Variants in MAX observed in about 807,000 individuals in gnomAD.
MAX encodes the protein MYC associated transcriptional regulator X.
MAX carries 3 observed loss-of-function variants against 22.3 expected under a neutral mutation model. The ratio of observed to expected loss-of-function variants is 0.13; its 90% confidence interval spans 0.06 to 0.35. The LOEUF is 0.35. Among genes scored for constraint, MAX ranks in the 10% least tolerant of loss-of-function variants. The probability of loss-of-function intolerance (pLI) is 1.00; values close to 1 mark genes in which losing one functional copy is unlikely to be tolerated. For synonymous variants in MAX, 72 were observed against 77.7 expected (o/e 0.93, Z 0.39); for missense variants, 119 against 209.4 (o/e 0.57, Z 2.66).
downstream of MAX, among the ~76,000 whole-genome samples, chr14:65,073,286 A>G (rs1452591512): frequency 2.0e-5 from 3 of 152,192 alleles, no homozygotes; most frequent in Non-Finnish European, 2.9e-5. Context: ...TACTATCAGA[A>G]ACAGAATTCT....
chr14:65,053,132 G>T, intron 3 of MAX: 1 of 812,654 alleles, frequency 1.2e-6, no homozygotes, highest in Non-Finnish European at 1.7e-6. Flanking sequence ...GGAAGAGGAA[G>T]GGGAGCAGGA....
chr14:65,052,285 TATA>T (rs1282271261), intron 3 of MAX, among the ~76,000 whole-genome samples: 4 of 152,120 alleles, frequency 2.6e-5, no homozygotes, highest in Non-Finnish European at 5.9e-5. Flanking sequence ...GCTACACAGT[TATA>T]ATAACTAGGT....
chr14:65,058,144 CAA>C (rs2062781043), intron 3 of MAX, among the ~76,000 whole-genome samples: 1 of 151,374 alleles, frequency 6.6e-6, no homozygotes, highest in African/African-American at 2.4e-5. Context: ...CCCAGGAGTA[CAA>C]AGAGAACTGA....
At chr14:65,064,057 C>T (rs546837402) in intron 3 of MAX, among the ~76,000 whole-genome samples, 191 of 152,178 alleles carry the variant, frequency 1.3e-3, no homozygotes, top group Middle Eastern at 3.4e-3. Flanking sequence ...CTACAGGGAG[C>T]GGAGCATAAA....
chr14:65,095,518 T>C (rs2063637977), intron 2 of MAX, among the ~76,000 whole-genome samples: 1 of 152,232 alleles, frequency 6.6e-6, no homozygotes, highest in East Asian at 1.9e-4. Context: ...ATTGAACCTA[T>C]TTAAGTATCT....
In MAX at chr14:65,084,059, G is replaced by A; in HGVS notation, c.172-6023C>T. On this transcript the variant is annotated intron_variant, in intron 3 of 4. Coordinates refer to ENST00000358664, the MANE Select transcript of MAX (RefSeq NM_002382.5). This position sits in a 1 kb window ranked among gnomAD's most constrained non-coding sequence, Gnocchi z 4.3. ...TCCTTGAAGGCTTCCTGCTGCCAGG[G>A]CCTCCCCAGCCACAGGACCATTTTG... The A allele has an allele frequency of 6.3e-7, 1 of 1,594,386 alleles. No homozygotes were observed. The highest frequency in any genetic ancestry group is 8.6e-7 in the Non-Finnish European group (1 of 1,167,814).
Position 65,044,105 on chromosome 14 carries a change from CTCTACAGCG to C in MAX, c.172-37830_172-37822del, listed in dbSNP as rs2062421152. The stretch of plus-strand genomic sequence containing the variant: ...TTGAGCAGAGATCAGTGCTGGATGC[CTCTACAGCG>C]TTGGCTTAAATGCTTCACTCTGTGT... On this transcript the variant is annotated intron_variant, in intron 3 of 3. Coordinates refer to the MAX transcript ENST00000341653. This position sits in a 1 kb window ranked among gnomAD's most constrained non-coding sequence, Gnocchi z 5.5. Among the ~76,000 whole-genome samples, 1 of 152,144 alleles carries C rather than the reference CTCTACAGCG, an allele frequency of 6.6e-6. No individual in the cohort carries two copies. Among genetic ancestry groups the C allele is most frequent in the African/African-American group, 2.4e-5 (1 of 41,424 alleles).
At chr14:65,037,402 C>CTTTTTTTTTTTTTTTTTTTT (rs765037575) in intron 3 of MAX, among the ~76,000 whole-genome samples, 9 of 14,534 alleles carry the variant, frequency 6.2e-4, no homozygotes, top group Non-Finnish European at 9.7e-4. Flanking sequence ...CACGCCGGGC[C>CTTTTTTTTTTTTTTTTTTTT]CTTTTTTTTT....
chr14:65,008,824 A>G (rs2061637995), intron 3 of MAX, among the ~76,000 whole-genome samples: 1 of 152,200 alleles, frequency 6.6e-6, no homozygotes, highest in Non-Finnish European at 1.5e-5. Context: ...AAGAAATTCT[A>G]TTTAAATCAT....
rs1007995490 is a variant in MAX at position 65,044,113 on chromosome 14, C to T, written c.172-37829G>A. 2.6e-5 allele frequency among the ~76,000 whole-genome samples: 4 copies of T among 152,096 alleles called. No individual in the cohort carries two copies. Among genetic ancestry groups the T allele is most frequent in the Admixed American group, 6.5e-5 (1 of 15,268 alleles). ...AGATCAGTGCTGGATGCCTCTACAG[C>T]GTTGGCTTAAATGCTTCACTCTGTG... On this transcript the variant is annotated intron_variant, in intron 3 of 3. Coordinates refer to the MAX transcript ENST00000341653. This position sits in a 1 kb window ranked among gnomAD's most constrained non-coding sequence, Gnocchi z 5.5.
rs1214093079 is a variant in MAX, at chr14:65,082,625, G to C, written c.172-4589C>G. ...TATAAAAAAATCAAAAGATTAGCTG[G>C]GCATGGTGGTACACGAATGTGGTCC... On this transcript the variant is annotated intron_variant, in intron 3 of 4. Transcript: ENST00000358664. This position sits in a 1 kb window ranked among gnomAD's most constrained non-coding sequence, Gnocchi z 4.8. 6.6e-6 allele frequency among the ~76,000 whole-genome samples: 1 copy of C among 152,086 alleles called. No homozygotes were observed. The highest frequency in any genetic ancestry group is 1.5e-5 in the Non-Finnish European group (1 of 68,012).
At chr14:65,081,234 T>G (rs968955305) in intron 3 of MAX, among the ~76,000 whole-genome samples, 4 of 152,200 alleles carry the variant, frequency 2.6e-5, no homozygotes, top group Non-Finnish European at 4.4e-5. Context: ...AGAGTTAACT[T>G]TATTTTACTC....
chr14:65,089,165 C>T (rs373045714), intron 3 of MAX, among the ~76,000 whole-genome samples: 12 of 152,142 alleles, frequency 7.9e-5, no homozygotes, highest in East Asian at 5.8e-4. Flanking sequence ...ATAATATTGA[C>T]TGTTGCTGTT....
At chr14:65,061,041 A>ATT in intron 3 of MAX, 1 of 1,396,508 alleles carries the variant, frequency 7.2e-7, no homozygotes, top group Non-Finnish European at 9.6e-7. Context: ...CAAATACACC[A>ATT]TTTTTGAACC....
At position 65,031,643 on chromosome 14, in the gene MAX, G is replaced by A. The variant is rs562707351; in HGVS notation, c.172-25359C>T. On this transcript the variant is annotated intron_variant, in intron 3 of 3. Transcript: ENST00000341653. This position sits in a 1 kb window ranked among gnomAD's most constrained non-coding sequence, Gnocchi z 4.6. ...ATAATGCTTTTTTAAAAAATAGCCC[G>A]GGCGCGGTGGCTTATGCCTGTAATC... Among the ~76,000 whole-genome samples, 68 of 152,166 alleles carry A rather than the reference G, an allele frequency of 4.5e-4. No individual in the cohort carries two copies. The highest frequency in any genetic ancestry group is 9.1e-4 in the African/African-American group (38 of 41,556).
chr14:65,010,877 T>C (rs756270383), intron 3 of MAX, among the ~76,000 whole-genome samples: 3 of 152,214 alleles, frequency 2.0e-5, no homozygotes, highest in Admixed American at 6.5e-5. Flanking sequence ...TGCAGCATAG[T>C]AGAGTAGCCA....
chr14:65,028,739 A>G lies in MAX; in HGVS notation c.172-22455T>C, dbSNP rs2062027447. Among the ~76,000 whole-genome samples the G allele has an allele frequency of 2.0e-5, 3 of 152,248 alleles. No individual in the cohort carries two copies. ...AAAAAAATTAGATTAGGATCTGTGT[A>G]TACCAGTGAAACCAGTAGAACGACT... On this transcript the variant is annotated intron_variant, in intron 3 of 3. Transcript: ENST00000341653. The surrounding 1 kb of genome is among the most constrained non-coding windows in gnomAD (Gnocchi z 4.4).
chr14:65,049,789 A>G (rs537734354), intron 3 of MAX, among the ~76,000 whole-genome samples: 5 of 152,284 alleles, frequency 3.3e-5, no homozygotes, highest in Non-Finnish European at 7.4e-5. Flanking sequence ...GCTTTTTTAA[A>G]TAATAGCTTT....
downstream of MAX, among the ~76,000 whole-genome samples, chr14:65,070,588 ATTC>A (rs1192362086): frequency 6.6e-6 from 1 of 152,204 alleles, no homozygotes; most frequent in East Asian, 1.9e-4. The surrounding 1 kb of genome is among the most constrained non-coding windows in gnomAD (Gnocchi z 4.4). Flanking sequence ...CCTGCTCGGC[ATTC>A]TTCTAGACAC....
Sources: gnomAD v4.1 joint callset for allele counts (sites outside exome capture counted in the v4.1 genomes callset) on GRCh38, gnomAD v4.1.1 for gene constraint, Gnocchi (gnomAD v3.1) non-coding constraint, MANE v1.5 for transcripts, NCBI Gene and HGNC (gene_info 2026-07-23, HGNC 2026-07-21) for gene names.